The following ATP5MF variants were observed in gnomAD, a reference collection of about 807,000 sequenced individuals.
ATP5MF encodes the protein ATP synthase membrane subunit f, also known as ATP synthase F(0) complex subunit f, mitochondrial.
A neutral mutation model predicts 13.8 loss-of-function variants in ATP5MF; 10 were observed. The ratio of observed to expected loss-of-function variants is 0.72; its 90% CI spans 0.45 to 1.23. The LOEUF (loss-of-function observed/expected upper bound fraction) is 1.23, where lower values mean the gene tolerates loss of function less well. ATP5MF is among the 50% of genes most tolerant of loss of function. The probability of loss-of-function intolerance (pLI) is 0.00; values close to 1 mark genes in which losing one functional copy is unlikely to be tolerated. For synonymous variants in ATP5MF, 40 were observed against 45.8 expected, an observed-to-expected ratio of 0.87 and a Z score of 0.51; for missense variants, 122 against 118.2, an observed-to-expected ratio of 1.03 and a Z score of -0.15.
At chr7:99,460,003 T>C (rs2151026191) in intron 2 of ATP5MF, 83 bp downstream of exon 2, 4 of 1,480,976 alleles carry the variant, frequency 2.7e-6, no homozygotes, top group Non-Finnish European at 3.6e-6. Context: ...AAGGCCTTCA[T>C]TGCCCAAATT....
chr7:99,460,290 T>C (rs891713955), intron 1 of ATP5MF, 97 bp from the exon 2 acceptor site: 70 of 1,340,412 alleles, frequency 5.2e-5, no homozygotes, highest in Middle Eastern at 3.7e-4. Flanking sequence ...GCAATAAAGG[T>C]GCATAATGCA....
chr7:99,461,827 T>C (rs1399452995), intron 1 of ATP5MF, among the ~76,000 whole-genome samples: 1 of 151,448 alleles, frequency 6.6e-6, no homozygotes, highest in Non-Finnish European at 1.5e-5. Context: ...CCAGCTAATT[T>C]TTGTATTTTT....
At chr7:99,460,358 C>A in intron 1 of ATP5MF, 165 bp from the exon 2 acceptor site, 2 of 805,304 alleles carry the variant, frequency 2.5e-6, no homozygotes, top group Non-Finnish European at 4.1e-6. Flanking sequence ...ATCAAGCCCA[C>A]TATTTTAAGA....
Position 99,459,272 on chromosome 7 carries a change from G to C in ATP5MF, c.140-9C>G. Reference sequence around the variant, plus strand: ...GTAGTACCGGTAGTAACCTGCAAACGCAAGAGGCGCTCACTGCCCTGCTGG... The same window carrying C: ...GTAGTACCGGTAGTAACCTGCAAACCCAAGAGGCGCTCACTGCCCTGCTGG... On this transcript the variant is annotated splice_polypyrimidine_tract_variant and intron_variant, in intron 2 of 3. Transcript: ENST00000292475. 1 of 1,595,240 alleles carries C rather than the reference G, an allele frequency of 6.3e-7. No homozygotes were observed. Among genetic ancestry groups the C allele is most frequent in the Non-Finnish European group, 8.6e-7 (1 of 1,162,836 alleles).
intron 1 of ATP5MF, among the ~76,000 whole-genome samples, chr7:99,463,198 G>C (rs922917261): frequency 2.6e-5 from 4 of 152,202 alleles, no homozygotes; most frequent in Admixed American, 2.0e-4. Flanking sequence ...ATCCTCGAGA[G>C]GAAACATACT....
Position 99,458,329 on chromosome 7 carries a change from A to G in ATP5MF, c.283T>C (p.Ter95ArgextTer27). The change falls in exon 4 of 4, where the codon TGA becomes CGA. Residue 95 changes from the stop codon to arginine, a stop_lost. Transcript: ENST00000292475. ...GGGGGGTGCAGAGTGTGTCCTCTTC[A>G]GTGGTATTTGCGGAGCCGCTCGTGC... ...LKHERLRKYH* is the reference protein window; with the variant it reads ...LKHERLRKYHR 1 of 1,610,092 alleles carries G rather than the reference A, an allele frequency of 6.2e-7. No individual in the cohort carries two copies. Among genetic ancestry groups the G allele is most frequent in the East Asian group, 2.2e-5 (1 of 44,772 alleles).
In ATP5MF at chr7:99,460,181, T is replaced by C. The variant is rs993120190; in HGVS notation, c.44A>G (p.Asp15Gly). The C allele has an allele frequency of 3.1e-6, 5 of 1,614,198 alleles. No homozygotes were observed. The highest frequency in any genetic ancestry group is 2.5e-6 in the Non-Finnish European group (3 of 1,180,042). Residue 15 changes from aspartate (D) to glycine (G), a missense_variant, in exon 2 of 4, where the codon GAC becomes GGC. Transcript: ENST00000292475. ...GECPAPVPVK[D>G]KKLLEVKLGE... ...CAGTTTGACCTCCAGAAGTTTCTTGTCCTTCACTGGTACTGAAACGGAAGA... is the reference window on the plus strand; with the variant it reads ...CAGTTTGACCTCCAGAAGTTTCTTGCCCTTCACTGGTACTGAAACGGAAGA...
rs15355 is a variant in ATP5MF at position 99,458,241 on chromosome 7, A to G, written c.*86T>C. ...AGGTTAATTCCTATTAGGATATGAA[A>G]GGATTCAGCAACGATTGAGATTGTG... On this transcript the variant is annotated 3_prime_UTR_variant, in exon 4 of 4. Transcript: ENST00000292475. 1 of 1,375,706 alleles carries G rather than the reference A, an allele frequency of 7.3e-7. No homozygotes were observed. The highest frequency in any genetic ancestry group is 1.0e-6 in the Non-Finnish European group (1 of 989,320). The allele number at this position is 1,375,706 out of a possible 1,614,324, so 85.2% of individuals were successfully genotyped here. A position where few individuals can be genotyped will look rare whatever the true frequency, so the allele number is the denominator to read the frequency against.
At position 99,460,160 on chromosome 7, in the gene ATP5MF, T is replaced by C. The variant is rs769849318; in HGVS notation, c.65A>G (p.Lys22Arg). ...PVKDKKLLEV[K>R]LGELPSWILM... ...GATCCAGCTTGGCAGCTCCCCCAGT[T>C]TGACCTCCAGAAGTTTCTTGTCCTT... Residue 22 changes from lysine to arginine, a missense_variant, in exon 2 of 4, where the codon AAA (lysine) becomes AGA (arginine). Lys to Arg is a conservative substitution (Grantham distance 26). Coordinates refer to ENST00000292475, the MANE Select transcript of ATP5MF (RefSeq NM_004889.5). The C allele has an allele frequency of 6.2e-7, 1 of 1,614,200 alleles. No individual in the cohort carries two copies. Among genetic ancestry groups the C allele is most frequent in the East Asian group, 2.2e-5 (1 of 44,878 alleles).
intron 3 of ATP5MF, 128 bp from the exon 4 acceptor site, chr7:99,458,483 C>G (rs1429817846): frequency 8.6e-6 from 8 of 929,708 alleles, no homozygotes; most frequent in Non-Finnish European, 1.3e-5. Flanking sequence ...CCATGACCCG[C>G]CTGCCGGTGT....
chr7:99,458,960 C>A (rs1798467731), intron 3 of ATP5MF, 187 bp downstream of exon 3: 1 of 562,476 alleles, frequency 1.8e-6, no homozygotes, highest in South Asian at 2.2e-5. Context: ...TCACAATTTT[C>A]TCATTTCAAA....
At chr7:99,465,265 A>C (rs1222605047) in intron 1 of ATP5MF, among the ~76,000 whole-genome samples, 1 of 152,078 alleles carries the variant, frequency 6.6e-6, no homozygotes, top group Non-Finnish European at 1.5e-5. Flanking sequence ...ATCTCAAAAA[A>C]AAAATGATAA....
chr7:99,462,339 G>A (rs1228964675), intron 1 of ATP5MF, among the ~76,000 whole-genome samples: 4 of 151,414 alleles, frequency 2.6e-5, no homozygotes, highest in Non-Finnish European at 5.9e-5. Context: ...GTGGTGGCGG[G>A]CGCCTGTAGT....
At position 99,458,340 on chromosome 7, in the gene ATP5MF, C is replaced by G. The variant is rs777324521; in HGVS notation, c.272G>C (p.Arg91Pro). The G allele has an allele frequency of 6.2e-7, 1 of 1,608,390 alleles. No homozygotes were observed. The highest frequency in any genetic ancestry group is 1.1e-5 in the South Asian group (1 of 89,398). Residue 91 changes from arginine (R) to proline (P), a missense_variant, in exon 4 of 4, where the codon CGC becomes CCC. Transcript: ENST00000292475. ...SYKHLKHERL[R>P]KYH ...AGTGTGTCCTCTTCAGTGGTATTTG[C>G]GGAGCCGCTCGTGCTCTGAAGTCAG...
chr7:99,461,708 G>T (rs1441841511), intron 1 of ATP5MF, among the ~76,000 whole-genome samples: 1 of 151,556 alleles, frequency 6.6e-6, no homozygotes, highest in African/African-American at 2.4e-5. Flanking sequence ...GCCCAGGCTG[G>T]AGTGCAGTGG....
intron 1 of ATP5MF, among the ~76,000 whole-genome samples, chr7:99,460,755 G>A (rs1435748555): frequency 6.6e-6 from 1 of 152,176 alleles, no homozygotes; most frequent in Admixed American, 6.6e-5. Flanking sequence ...GGAGAGCGGT[G>A]TGACGGTGCC....
chr7:99,463,515 C>T (rs1369579189), intron 1 of ATP5MF, among the ~76,000 whole-genome samples: 2 of 152,172 alleles, frequency 1.3e-5, no homozygotes, highest in Admixed American at 6.6e-5. Context: ...CAGTGGCTCA[C>T]GTCTGTAATC....
At chr7:99,459,363 C>T (rs1798495616) in intron 2 of ATP5MF, 100 bp from the exon 3 acceptor site, 4 of 880,666 alleles carry the variant, frequency 4.5e-6, no homozygotes, top group Admixed American at 3.6e-5. Context: ...CCTAGTCCTG[C>T]TCTGGCTGTT....
chr7:99,460,288 G>T, intron 1 of ATP5MF, 95 bp from the exon 2 acceptor site: 1 of 1,340,148 alleles, frequency 7.5e-7, no homozygotes, highest in Non-Finnish European at 1.1e-6. Flanking sequence ...ATGCAATAAA[G>T]GTGCATAATG....
Sources: gnomAD v4.1 joint callset for allele counts (sites outside exome capture counted in the v4.1 genomes callset) on GRCh38, gnomAD v4.1.1 for gene constraint, MANE v1.5 for transcripts, NCBI Gene and HGNC (gene_info 2026-07-23, HGNC 2026-07-21) for gene names.